Variants in GALNT13 observed in about 807,000 individuals in gnomAD.
GALNT13 encodes polypeptide N-acetylgalactosaminyltransferase 13.
GALNT13 carries 28 observed loss-of-function variants against 64.2 expected under a neutral mutation model. That is an observed-to-expected ratio of 0.44 (90% CI 0.32 to 0.60). The LOEUF (loss-of-function observed/expected upper bound fraction) is 0.60, where lower values mean the gene tolerates loss of function less well. Ranked by LOEUF, GALNT13 falls within the 20% of genes least tolerant of loss-of-function variation. The pLI is 0.05. For missense variants in GALNT13, 577 were observed against 669.8 expected (o/e 0.86, Z 1.53); for synonymous variants, 214 against 224.6 (o/e 0.95, Z 0.42).
chr2:153,239,618 A>G, the GALNT13 span, among the ~76,000 whole-genome samples: 4,498 of 152,244 alleles, frequency 0.03, 241 homozygotes, highest in African/African-American at 0.1. Context: ...CTCTGTTCAT[A>G]TGACATATCA....
the GALNT13 span, among the ~76,000 whole-genome samples, chr2:153,722,867 C>T: frequency 6.6e-6 from 1 of 150,666 alleles, no homozygotes; most frequent in Admixed American, 6.6e-5. Flanking sequence ...CCGAATTCTA[C>T]CAGAGGTACA....
intron 8 of GALNT13, among the ~76,000 whole-genome samples, chr2:154,266,308 A>C (rs905995487): frequency 6.6e-6 from 1 of 152,170 alleles, no homozygotes; most frequent in African/African-American, 2.4e-5. Context: ...TAAGCCATCC[A>C]TATTAGGGAG....
At chr2:153,274,810 A>C in the GALNT13 span, among the ~76,000 whole-genome samples, 1 of 152,236 alleles carries the variant, frequency 6.6e-6, no homozygotes, top group Non-Finnish European at 1.5e-5. Context: ...ACTGACTTCC[A>C]CATCTTGTTG....
At chr2:153,526,562 G>A in the GALNT13 span, among the ~76,000 whole-genome samples, 1 of 152,146 alleles carries the variant, frequency 6.6e-6, no homozygotes, top group Admixed American at 6.5e-5. Flanking sequence ...TATCCAGAAA[G>A]CCTTCTCAAG....
chr2:153,811,557 A>G, the GALNT13 span, among the ~76,000 whole-genome samples: 2 of 152,168 alleles, frequency 1.3e-5, no homozygotes, highest in African/African-American at 4.8e-5. Context: ...TCAATTTCTT[A>G]GGAGAATTGC....
intron 3 of GALNT13, among the ~76,000 whole-genome samples, chr2:154,083,441 G>T (rs1160989257): frequency 1.3e-5 from 2 of 151,740 alleles, no homozygotes; most frequent in East Asian, 1.9e-4. Context: ...TTTCCTAATT[G>T]TGTGAAGAAA....
At chr2:154,208,345 G>T (rs1236484088) in intron 4 of GALNT13, among the ~76,000 whole-genome samples, 2 of 151,956 alleles carry the variant, frequency 1.3e-5, no homozygotes, top group African/African-American at 2.4e-5. Flanking sequence ...TCTGCATATT[G>T]CATTTGTATA....
At chr2:154,291,083 C>A (rs983220912) in intron 8 of GALNT13, among the ~76,000 whole-genome samples, 1 of 151,994 alleles carries the variant, frequency 6.6e-6, no homozygotes, top group African/African-American at 2.4e-5. Context: ...CCTTCCACAG[C>A]GTGGAAAGGG....
At chr2:154,293,140 C>T (rs142360506) in intron 8 of GALNT13, among the ~76,000 whole-genome samples, 3 of 152,208 alleles carry the variant, frequency 2.0e-5, no homozygotes, top group African/African-American at 7.2e-5. Context: ...AAATATTAAT[C>T]TGTTGAAAGC....
intron 3 of GALNT13, among the ~76,000 whole-genome samples, chr2:153,946,979 G>A (rs1312159193): frequency 6.6e-6 from 1 of 151,380 alleles, no homozygotes; most frequent in African/African-American, 2.4e-5. Flanking sequence ...TCACATTTTA[G>A]GTCTGCTAAA....
At chr2:153,442,308 T>C in the GALNT13 span, among the ~76,000 whole-genome samples, 3 of 152,216 alleles carry the variant, frequency 2.0e-5, no homozygotes, top group South Asian at 6.2e-4. Flanking sequence ...GACTTGATCA[T>C]GGTGGATAAG....
At chr2:153,649,379 C>T in the GALNT13 span, among the ~76,000 whole-genome samples, 29 of 151,678 alleles carry the variant, frequency 1.9e-4, no homozygotes, top group South Asian at 3.3e-3. Context: ...GTTTTGCTAG[C>T]GGTCTATCAA....
At chr2:153,121,680 G>GA in the GALNT13 span, among the ~76,000 whole-genome samples, 16 of 151,968 alleles carry the variant, frequency 1.1e-4, no homozygotes, top group African/African-American at 3.9e-4. Flanking sequence ...AGGCACCCAC[G>GA]ACCATGCCTG....
At chr2:153,090,576 T>C in the GALNT13 span, among the ~76,000 whole-genome samples, 1 of 152,228 alleles carries the variant, frequency 6.6e-6, no homozygotes, top group Non-Finnish European at 1.5e-5. Flanking sequence ...TTGGTTGGCC[T>C]CCAGCCAGGA....
the GALNT13 span, among the ~76,000 whole-genome samples, chr2:153,727,579 G>T: frequency 6.6e-6 from 1 of 152,022 alleles, no homozygotes; most frequent in African/African-American, 2.4e-5. Flanking sequence ...CCATCCATAC[G>T]ACTCATCTAT....
At chr2:153,656,704 A>C in the GALNT13 span, among the ~76,000 whole-genome samples, 1 of 152,136 alleles carries the variant, frequency 6.6e-6, no homozygotes, top group Admixed American at 6.6e-5. Context: ...TAGGGAAAAG[A>C]AATGTCAAGA....
chr2:153,623,745 G>A, the GALNT13 span, among the ~76,000 whole-genome samples: 1 of 151,694 alleles, frequency 6.6e-6, no homozygotes, highest in Non-Finnish European at 1.5e-5. Context: ...AAATTTATAG[G>A]GACAAGTATA....
intron 4 of GALNT13, among the ~76,000 whole-genome samples, chr2:154,228,655 T>C (rs1368326082): frequency 6.6e-6 from 1 of 152,144 alleles, no homozygotes; most frequent in African/African-American, 2.4e-5. Context: ...CTCAAATCTA[T>C]TTCCCTAACT....
intron 1 of GALNT13, among the ~76,000 whole-genome samples, chr2:153,893,557 CAT>C (rs1687693882): frequency 6.6e-6 from 1 of 151,880 alleles, no homozygotes; most frequent in African/African-American, 2.4e-5. Context: ...AATTTATATA[CAT>C]ATATAGGCAC....
Sources: gnomAD v4.1 joint callset for allele counts (sites outside exome capture counted in the v4.1 genomes callset) on GRCh38, gnomAD v4.1.1 for gene constraint, MANE v1.5 for transcripts, NCBI Gene and HGNC (gene_info 2026-07-23, HGNC 2026-07-21) for gene names.